The following PNPLA8 variants were observed in gnomAD, a reference collection of about 807,000 sequenced individuals.
PNPLA8 encodes patatin like domain 8, phospholipase A2, also known as calcium-independent phospholipase A2-gamma.
A neutral mutation model predicts 76.9 loss-of-function variants in PNPLA8; 39 were observed. The ratio of observed to expected loss-of-function variants is 0.51; its 90% CI spans 0.39 to 0.66. PNPLA8 has a LOEUF of 0.66. PNPLA8 is among the 30% of genes least tolerant of loss of function. PNPLA8 has a pLI of 0.00. For missense variants in PNPLA8, 887 were observed against 918.0 expected (o/e 0.97, Z 0.44); for synonymous variants, 301 against 307.9 (o/e 0.98, Z 0.24).
At chr7:108,512,787 A>T (rs934825734) in intron 4 of PNPLA8, among the ~76,000 whole-genome samples, 1 of 152,152 alleles carries the variant, frequency 6.6e-6, no homozygotes, top group African/African-American at 2.4e-5. Flanking sequence ...TTCATAATTG[A>T]TCTGAATATA....
chr7:108,519,703 T>C (rs1429507988), intron 2 of PNPLA8, among the ~76,000 whole-genome samples: 1 of 152,130 alleles, frequency 6.6e-6, no homozygotes, highest in Non-Finnish European at 1.5e-5. Flanking sequence ...TATAAGTATT[T>C]TGAATTAAAG....
intron 1 of PNPLA8, among the ~76,000 whole-genome samples, chr7:108,523,577 T>C (rs991452645): frequency 5.9e-5 from 9 of 152,224 alleles, no homozygotes; most frequent in East Asian, 5.8e-4. Flanking sequence ...GTGGCTAATA[T>C]GGTCCAAGTT....
chr7:108,505,707 G>A (rs1425820197), intron 4 of PNPLA8, among the ~76,000 whole-genome samples: 1 of 151,796 alleles, frequency 6.6e-6, no homozygotes, highest in East Asian at 1.9e-4. Context: ...TCTTAAACAG[G>A]ACACAAAATA....
At chr7:108,495,507 A>C (rs1861483748) in intron 7 of PNPLA8, among the ~76,000 whole-genome samples, 1 of 152,192 alleles carries the variant, frequency 6.6e-6, no homozygotes, top group Non-Finnish European at 1.5e-5. Context: ...AAAACACATC[A>C]CCATGTTAAT....
chr7:108,517,461 C>G (rs1334675240), intron 2 of PNPLA8, among the ~76,000 whole-genome samples: 1 of 152,188 alleles, frequency 6.6e-6, no homozygotes, highest in East Asian at 1.9e-4. Flanking sequence ...AGGATGTTTA[C>G]AGAAGCCTTA....
chr7:108,473,321 G>A (rs371187830), intron 10 of PNPLA8, among the ~76,000 whole-genome samples: 185 of 152,234 alleles, frequency 1.2e-3, no homozygotes, highest in African/African-American at 4.3e-3. Context: ...GTTCTCTGCA[G>A]TTCTGGTCTG....
chr7:108,511,093 A>G (rs1275919822), intron 4 of PNPLA8: 1 of 657,542 alleles, frequency 1.5e-6, no homozygotes, highest in East Asian at 2.8e-5. Flanking sequence ...TAAATTAAGC[A>G]TTTCTCTTTC....
intron 2 of PNPLA8, among the ~76,000 whole-genome samples, chr7:108,516,232 C>G (rs1863332944): frequency 6.6e-6 from 1 of 152,060 alleles, no homozygotes; most frequent in Admixed American, 6.6e-5. Context: ...AAAGAATAAT[C>G]CAATTTAAAA....
chr7:108,512,564 A>G (rs181168278), intron 4 of PNPLA8, among the ~76,000 whole-genome samples: 149 of 152,332 alleles, frequency 9.8e-4, no homozygotes, highest in African/African-American at 3.4e-3. Flanking sequence ...AATATGGTAG[A>G]CACATAAAAA....
chr7:108,505,165 T>C (rs2154516074), intron 4 of PNPLA8, among the ~76,000 whole-genome samples: 1 of 150,684 alleles, frequency 6.6e-6, no homozygotes, highest in Admixed American at 6.6e-5. Context: ...TAAATGGTGC[T>C]GAGTCAACTG....
At chr7:108,507,378 G>A (rs753921223) in intron 4 of PNPLA8, among the ~76,000 whole-genome samples, 1 of 150,904 alleles carries the variant, frequency 6.6e-6, no homozygotes, top group Non-Finnish European at 1.5e-5. Flanking sequence ...AAACAGGCTG[G>A]GTGAGGTGGC....
At position 108,514,542 on chromosome 7, in the gene PNPLA8, G is replaced by A. The variant is rs1361150617; in HGVS notation, c.950C>T (p.Ser317Leu). The change falls in exon 3 of 11, where the codon TCA (serine) becomes TTA (leucine). Residue 317 changes from serine to leucine, a missense_variant. Ser to Leu is a moderately radical substitution (Grantham distance 145). Coordinates refer to ENST00000257694, the MANE Select transcript of PNPLA8 (RefSeq NM_001256007.3). ...GGLVPKLKYDSKSQSEEQEEP... is the reference protein window; with the variant it reads ...GGLVPKLKYDLKSQSEEQEEP... ...TTCCTGTTCTTCTGACTGACTCTTT[G>A]AATCATACTTTAATTTGGGGACAAG... 6.2e-7 allele frequency: 1 copy of A among 1,613,604 alleles called. No individual in the cohort carries two copies. The highest frequency in any genetic ancestry group is 1.3e-5 in the African/African-American group (1 of 74,912).
intron 9 of PNPLA8, among the ~76,000 whole-genome samples, chr7:108,484,395 T>C (rs907583223): frequency 6.6e-6 from 1 of 152,156 alleles, no homozygotes; most frequent in African/African-American, 2.4e-5. Context: ...TTAATATTTT[T>C]TCTTTTTTTG....
chr7:108,525,094 C>G (rs755739191), intron 1 of PNPLA8, among the ~76,000 whole-genome samples: 2 of 152,068 alleles, frequency 1.3e-5, no homozygotes, highest in Non-Finnish European at 1.5e-5. Context: ...AAAAAGAGAT[C>G]AACATTAAGA....
chr7:108,476,633 G>A (rs757145605), intron 10 of PNPLA8, among the ~76,000 whole-genome samples: 15 of 152,154 alleles, frequency 9.9e-5, no homozygotes, highest in East Asian at 1.9e-4. Context: ...ATCCCACTCC[G>A]GGTATATGTC....
In PNPLA8 at chr7:108,515,459, A is replaced by AAT. The variant is rs1474726757; in HGVS notation, c.31_32dup (p.Tyr12PhefsTer31). The stretch of plus-strand genomic sequence containing the variant: ...CACTTCTTGCATTACTAAGGAGGTA[A>AAT]ATATATATATCTACAGTCAGATTAA... On this transcript the variant is annotated frameshift_variant, in exon 3 of 11. Transcript: ENST00000257694. LOFTEE classifies it high-confidence loss of function. 1.9e-6 allele frequency: 3 copies of AAT among 1,561,860 alleles called. No individual in the cohort carries two copies. Among genetic ancestry groups the AAT allele is most frequent in the Non-Finnish European group, 2.6e-6 (3 of 1,154,400 alleles).
rs1183888087 is a variant in PNPLA8, at chr7:108,497,513, G to A, written c.1423C>T (p.Leu475Phe). 20 of 1,611,132 alleles carry A rather than the reference G, an allele frequency of 1.2e-5. No individual in the cohort carries two copies. The highest frequency in any genetic ancestry group is 1.7e-5 in the Non-Finnish European group (20 of 1,178,026). ...CTTACACCACAAATGTAATCAAAGA[G>A]CTGATGAACTGGCTTCTGAGTAAGT... is the stretch of plus-strand genomic sequence containing the variant. ...VELTQKPVHQ[L>F]FDYICGVSTG... is the part of the protein sequence containing the mutation. Residue 475 changes from leucine to phenylalanine, a missense_variant, in exon 6 of 11, where the codon CTC becomes TTC. Transcript: ENST00000257694.
intron 7 of PNPLA8, among the ~76,000 whole-genome samples, chr7:108,493,543 T>C (rs921738779): frequency 1.2e-4 from 18 of 144,544 alleles, no homozygotes; most frequent in African/African-American, 4.5e-4. Flanking sequence ...TAGCTGGGAC[T>C]ACAGGCGCCC....
At chr7:108,516,711 G>A (rs1227226631) in intron 2 of PNPLA8, among the ~76,000 whole-genome samples, 2 of 152,184 alleles carry the variant, frequency 1.3e-5, no homozygotes. Context: ...GACCAGCCTG[G>A]TCGGCATGGT....
Sources: gnomAD v4.1 joint callset for allele counts (sites outside exome capture counted in the v4.1 genomes callset) on GRCh38, gnomAD v4.1.1 for gene constraint, MANE v1.5 for transcripts, NCBI Gene and HGNC (gene_info 2026-07-23, HGNC 2026-07-21) for gene names.